Variants in NEDD4L observed in about 807,000 individuals in gnomAD.
The protein encoded by NEDD4L is E3 ubiquitin-protein ligase NEDD4-like.
NEDD4L carries 54 observed loss-of-function variants against 148.9 expected under a neutral mutation model. The ratio of observed to expected loss-of-function variants is 0.36; its 90% CI spans 0.29 to 0.45. NEDD4L has a LOEUF of 0.45. NEDD4L is among the 20% of genes least tolerant of loss of function. The probability of loss-of-function intolerance (pLI) is 1.00; values close to 1 mark genes in which losing one functional copy is unlikely to be tolerated. For synonymous variants in NEDD4L, 433 were observed against 440.7 expected, an observed-to-expected ratio of 0.98 and a Z score of 0.22; for missense variants, 856 against 1,233.8, an observed-to-expected ratio of 0.69 and a Z score of 4.59.
At chr18:58,081,616 A>G (rs1000442834) in intron 1 of NEDD4L, among the ~76,000 whole-genome samples, 1 of 152,110 alleles carries the variant, frequency 6.6e-6, no homozygotes, top group Non-Finnish European at 1.5e-5. Flanking sequence ...ACTCGGTCAA[A>G]ACAAAGCAAA....
intron 2 of NEDD4L, among the ~76,000 whole-genome samples, chr18:58,200,973 A>G (rs1366085660): frequency 6.6e-6 from 1 of 152,160 alleles, no homozygotes; most frequent in Non-Finnish European, 1.5e-5. Flanking sequence ...TGGTGGACTA[A>G]GGTTGTCTTT....
chr18:58,241,551 A>G (rs80061529), intron 2 of NEDD4L, among the ~76,000 whole-genome samples: 1 of 152,222 alleles, frequency 6.6e-6, no homozygotes, highest in East Asian at 1.9e-4. Context: ...CACTCAATAA[A>G]TGTAGACTCC....
chr18:58,189,675 C>G (rs471143), intron 2 of NEDD4L, among the ~76,000 whole-genome samples: 87,893 of 151,966 alleles, frequency 0.58, 27,077 homozygotes, highest in Non-Finnish European at 0.68. Flanking sequence ...GTGGTTTTGG[C>G]TTTTTTCTTC....
At chr18:58,301,182 T>C (rs2056411938) in intron 5 of NEDD4L, among the ~76,000 whole-genome samples, 1 of 152,164 alleles carries the variant, frequency 6.6e-6, no homozygotes, top group Non-Finnish European at 1.5e-5. Flanking sequence ...AATGACAACT[T>C]ATAGAGCTCA....
At chr18:58,225,729 T>TA (rs2044278491) in intron 2 of NEDD4L, among the ~76,000 whole-genome samples, 1 of 152,182 alleles carries the variant, frequency 6.6e-6, no homozygotes, top group Non-Finnish European at 1.5e-5. Flanking sequence ...CCGGAGCCAG[T>TA]GGCCTGCACA....
In NEDD4L at chr18:58,256,676, C is replaced by T; in HGVS notation, c.297+4622C>T. The T allele has an allele frequency of 1.6e-6, 2 of 1,232,186 alleles. No homozygotes were observed. The highest frequency in any genetic ancestry group is 2.0e-6 in the Non-Finnish European group (2 of 988,014). 76.3% of individuals were successfully genotyped at this position (1,232,186 alleles called of 1,614,324 possible). A position where few individuals can be genotyped will look rare whatever the true frequency, so the allele number is the denominator to read the frequency against. ...GCAGGATCAGAACGCGGGGCAGCAG[C>T]ATTTTAGAATTCTTGTAACCCGGGG... On this transcript the variant is annotated intron_variant, in intron 5 of 30. Transcript: ENST00000400345. The surrounding 1 kb of genome is among the most constrained non-coding windows in gnomAD (Gnocchi z 5.2).
chr18:58,055,035 G>T (rs1163858178), intron 1 of NEDD4L, among the ~76,000 whole-genome samples: 1 of 152,140 alleles, frequency 6.6e-6, no homozygotes, highest in African/African-American at 2.4e-5. Flanking sequence ...GATGGGTGGG[G>T]TGGGGCAGTG....
chr18:58,262,427 G>A (rs2049525294), intron 5 of NEDD4L, among the ~76,000 whole-genome samples: 2 of 152,102 alleles, frequency 1.3e-5, no homozygotes, highest in Non-Finnish European at 2.9e-5. Flanking sequence ...CCAGGACTTC[G>A]AGACCAGCCT....
In NEDD4L at chr18:58,341,710, A is replaced by G. The variant is rs1378467338; in HGVS notation, c.1290A>G (p.Thr430=). The stretch of plus-strand genomic sequence containing the variant: ...AAGATGGTGCGTCCGGATCAGCCAC[A>G]AACAGTAACAACCATCTAATCGAGC... ...LAEDGASGSA[T]NSNNHLIEPQ... Residue 430 remains threonine (T), a synonymous_variant, in exon 15 of 31, where the codon ACA becomes ACG. Transcript: ENST00000400345. 5 of 1,613,848 alleles carry G rather than the reference A, an allele frequency of 3.1e-6. No individual in the cohort carries two copies. The highest frequency in any genetic ancestry group is 4.2e-6 in the Non-Finnish European group (5 of 1,179,866).
At chr18:58,109,473 C>T (rs1305188285) in intron 1 of NEDD4L, among the ~76,000 whole-genome samples, 2 of 151,754 alleles carry the variant, frequency 1.3e-5, no homozygotes, top group Non-Finnish European at 2.9e-5. Flanking sequence ...AATAGCAGCT[C>T]AGGAATCCAT....
chr18:58,347,601 A>C (rs2043264901), intron 16 of NEDD4L, among the ~76,000 whole-genome samples: 1 of 152,196 alleles, frequency 6.6e-6, no homozygotes, highest in Non-Finnish European at 1.5e-5. Context: ...TGTGTATGTC[A>C]GTGTACTGCA....
intron 1 of NEDD4L, among the ~76,000 whole-genome samples, chr18:58,123,346 A>G (rs1025690061): frequency 6.6e-5 from 10 of 152,070 alleles, no homozygotes; most frequent in African/African-American, 2.4e-4. Flanking sequence ...CCACTCTGCG[A>G]TCTTCCGTTC....
chr18:58,138,748 A>G (rs149772910), intron 1 of NEDD4L, among the ~76,000 whole-genome samples: 81 of 152,276 alleles, frequency 5.3e-4, no homozygotes, highest in African/African-American at 1.7e-3. Flanking sequence ...GATGAGAGAG[A>G]GAGAAAGCAA....
chr18:58,253,914 G>A (rs1218120073), intron 5 of NEDD4L, among the ~76,000 whole-genome samples: 1 of 151,602 alleles, frequency 6.6e-6, no homozygotes, highest in East Asian at 1.9e-4. Flanking sequence ...GAAAAATTGT[G>A]TTTTATAATA....
intron 1 of NEDD4L, among the ~76,000 whole-genome samples, chr18:58,055,488 G>A (rs1456410244): frequency 6.6e-6 from 1 of 152,108 alleles, no homozygotes; most frequent in Non-Finnish European, 1.5e-5. Context: ...ATCCCTGAAA[G>A]GCATGTACTT....
At chr18:58,170,017 G>T (rs544131458) in intron 2 of NEDD4L, among the ~76,000 whole-genome samples, 6 of 151,888 alleles carry the variant, frequency 4.0e-5, no homozygotes, top group African/African-American at 1.2e-4. Context: ...TATTTTCCAC[G>T]ACCTATTATA....
intron 1 of NEDD4L, among the ~76,000 whole-genome samples, chr18:58,157,834 A>G (rs1166556630): frequency 6.6e-6 from 1 of 152,224 alleles, no homozygotes; most frequent in African/African-American, 2.4e-5. Context: ...ACATAGGAAA[A>G]TCTCGACTTA....
At chr18:58,289,668 T>C (rs1035276994) in intron 5 of NEDD4L, among the ~76,000 whole-genome samples, 3 of 152,090 alleles carry the variant, frequency 2.0e-5, no homozygotes, top group African/African-American at 7.2e-5. Flanking sequence ...CTCTTAGTAA[T>C]TAGGGGAAGG....
intron 13 of NEDD4L, among the ~76,000 whole-genome samples, chr18:58,339,367 T>C (rs909588468): frequency 2.0e-5 from 3 of 152,200 alleles, no homozygotes; most frequent in African/African-American, 7.2e-5. Flanking sequence ...AGTGCCCGGA[T>C]CCACGTAGCT....
Sources: gnomAD v4.1 joint callset for allele counts (sites outside exome capture counted in the v4.1 genomes callset) on GRCh38, gnomAD v4.1.1 for gene constraint, Gnocchi (gnomAD v3.1) non-coding constraint, MANE v1.5 for transcripts, NCBI Gene and HGNC (gene_info 2026-07-23, HGNC 2026-07-21) for gene names.